The following RYR3 variants were observed in gnomAD, a reference collection of about 807,000 sequenced individuals.
RYR3 encodes brain ryanodine receptor-calcium release channel.
RYR3 carries 207 observed loss-of-function variants against 584.3 expected under a neutral mutation model. That is an observed-to-expected ratio of 0.35 (90% confidence interval 0.32 to 0.40). The LOEUF is 0.40. Among genes scored for constraint, RYR3 ranks in the 10% least tolerant of loss-of-function variants. The pLI is 1.00. For synonymous variants in RYR3, 2,416 were observed against 2,248.5 expected, an observed-to-expected ratio of 1.07 and a Z score of -2.11; for missense variants, 5,616 against 6,089.2, an observed-to-expected ratio of 0.92 and a Z score of 2.59.
chr15:33,664,589 G>GTGTATATATATATATATATATATATATA (rs577496539), intron 36 of RYR3, among the ~76,000 whole-genome samples: 10 of 91,344 alleles, frequency 1.1e-4, no homozygotes, highest in Non-Finnish European at 1.7e-4. Context: ...GTGTGTGTGT[G>GTGTATATATATATATATATATATATATA]TATATATATA....
chr15:33,824,393 G>A (rs948400156), intron 81 of RYR3, among the ~76,000 whole-genome samples: 2 of 152,150 alleles, frequency 1.3e-5, no homozygotes, highest in Non-Finnish European at 2.9e-5. Context: ...TTCAAAATGG[G>A]TATTTAGGAA....
In RYR3 at chr15:33,561,357, G is replaced by A. The variant is rs188467418; in HGVS notation, c.973-1480G>A. ...CCTTTACAGAGGTAACCTCTGAGCA[G>A]GGTTTTGAAGGGTGAGTAGTAGTTT... is the stretch of plus-strand genomic sequence containing the variant. On this transcript the variant is annotated intron_variant, in intron 10 of 103. Transcript: ENST00000634891. Among the ~76,000 whole-genome samples, 520 of 152,328 alleles carry A rather than the reference G, an allele frequency of 3.4e-3. 2 individuals are homozygous for A. Among genetic ancestry groups the A allele is most frequent in the African/African-American group, 8.2e-3 (341 of 41,572 alleles).
chr15:33,397,530 A>G (rs1473576140), intron 1 of RYR3, among the ~76,000 whole-genome samples: 3 of 152,196 alleles, frequency 2.0e-5, no homozygotes, highest in African/African-American at 7.2e-5. Flanking sequence ...AAGTTACTGA[A>G]AGCAGTCTCT....
At chr15:33,839,937 ACTG>A (rs1567292674) in intron 89 of RYR3, among the ~76,000 whole-genome samples, 1 of 152,224 alleles carries the variant, frequency 6.6e-6, no homozygotes, top group Non-Finnish European at 1.5e-5. Context: ...CCATTCCAGG[ACTG>A]CTATGTGCCA....
At chr15:33,323,067 A>G (rs903832671) in intron 1 of RYR3, among the ~76,000 whole-genome samples, 1 of 151,620 alleles carries the variant, frequency 6.6e-6, no homozygotes, top group Non-Finnish European at 1.5e-5. Context: ...TGTACCAGGC[A>G]TATTTTCTCT....
intron 10 of RYR3, among the ~76,000 whole-genome samples, chr15:33,552,570 G>A (rs2056765592): frequency 6.6e-6 from 1 of 151,032 alleles, no homozygotes; most frequent in South Asian, 2.1e-4. Context: ...TCTCCATGCG[G>A]TAGTATTCAA....
At chr15:33,530,749 A>G (rs959315394) in intron 4 of RYR3, 83 bp downstream of exon 4, 6 of 995,684 alleles carry the variant, frequency 6.0e-6, no homozygotes, top group Non-Finnish European at 9.5e-6. Context: ...CAGCAATAAC[A>G]ACGTAACAGC....
chr15:33,675,305 T>C (rs1315134566), intron 38 of RYR3, among the ~76,000 whole-genome samples: 4 of 152,246 alleles, frequency 2.6e-5, no homozygotes, highest in Non-Finnish European at 4.4e-5. Flanking sequence ...CAATTCTATT[T>C]CTATTTTACA....
chr15:33,482,381 T>A (rs1004920483), intron 2 of RYR3, among the ~76,000 whole-genome samples: 2 of 152,184 alleles, frequency 1.3e-5, no homozygotes, highest in African/African-American at 4.8e-5. Context: ...TTTTTCTTTA[T>A]CTTTGACTTC....
At chr15:33,852,878 G>T (rs1860417417) in intron 94 of RYR3, 167 bp from the exon 95 acceptor site, 1 of 627,406 alleles carries the variant, frequency 1.6e-6, no homozygotes, top group Non-Finnish European at 2.9e-6. Flanking sequence ...ACATGACTCA[G>T]TAGAGCCTGT....
At chr15:33,696,845 C>T (rs2065893208) in intron 39 of RYR3, among the ~76,000 whole-genome samples, 1 of 152,180 alleles carries the variant, frequency 6.6e-6, no homozygotes, top group African/African-American at 2.4e-5. Flanking sequence ...TCTTCCGAAA[C>T]TTCCCTCTGA....
chr15:33,758,871 G>A (rs918147175), intron 60 of RYR3, among the ~76,000 whole-genome samples: 1 of 152,194 alleles, frequency 6.6e-6, no homozygotes, highest in African/African-American at 2.4e-5. Flanking sequence ...AGCAGGGGTC[G>A]ACAGACACCT....
At chr15:33,728,249 A>G (rs1013952522) in intron 46 of RYR3, among the ~76,000 whole-genome samples, 1 of 152,190 alleles carries the variant, frequency 6.6e-6, no homozygotes, top group Non-Finnish European at 1.5e-5. Context: ...GTCACTGAAC[A>G]CAGAGTTGGG....
At chr15:33,413,720 C>A (rs151156816) in intron 1 of RYR3, among the ~76,000 whole-genome samples, 55 of 152,312 alleles carry the variant, frequency 3.6e-4, no homozygotes, top group Middle Eastern at 6.8e-3. Flanking sequence ...GGTCCTGTTC[C>A]CCCCCGCTCA....
At chr15:33,728,788 A>T (rs2068682465) in intron 46 of RYR3, 69 bp from the exon 47 acceptor site, 1 of 1,439,152 alleles carries the variant, frequency 6.9e-7, no homozygotes, top group South Asian at 1.4e-5. Context: ...TAGACAGACA[A>T]GCTCTGTGTT....
intron 1 of RYR3, among the ~76,000 whole-genome samples, chr15:33,357,435 C>A (rs1030327743): frequency 1.3e-5 from 2 of 152,142 alleles, no homozygotes; most frequent in African/African-American, 4.8e-5. Context: ...CCCTTTGTCA[C>A]CCTCACCTGT....
chr15:33,313,724 G>A lies in RYR3; in HGVS notation c.51+2628G>A, dbSNP rs142115788. Among the ~76,000 whole-genome samples, 1,517 of 152,272 alleles carry A rather than the reference G, an allele frequency of 1.0e-2. 29 individuals are homozygous for A. Among genetic ancestry groups the A allele is most frequent in the African/African-American group, 0.035 (1,435 of 41,542 alleles). On this transcript the variant is annotated intron_variant, in intron 1 of 103. Transcript: ENST00000634891. ...ACATCGACATGGTCCTGGATGAGAAGGTGACTCATACTGGACCATGGAATA... is the reference window on the plus strand; with the variant it reads ...ACATCGACATGGTCCTGGATGAGAAAGTGACTCATACTGGACCATGGAATA...
intron 32 of RYR3, among the ~76,000 whole-genome samples, chr15:33,658,985 C>G (rs968570412): frequency 6.6e-6 from 1 of 152,164 alleles, no homozygotes; most frequent in African/African-American, 2.4e-5. Flanking sequence ...CAGTGAGGGA[C>G]CTCACAGTCT....
intron 27 of RYR3, 61 bp downstream of exon 27, chr15:33,636,611 G>A: frequency 7.6e-6 from 11 of 1,438,474 alleles, no homozygotes; most frequent in Non-Finnish European, 1.0e-5. Context: ...TATAGGGAGA[G>A]CTGAGCGACC....
Sources: allele counts gnomAD v4.1 joint callset (sites outside exome capture counted in the v4.1 genomes callset), GRCh38; gene constraint gnomAD v4.1.1; transcripts MANE v1.5; gene names NCBI Gene and HGNC (gene_info 2026-07-23, HGNC 2026-07-21).